Variants in NUMA1 observed in about 807,000 individuals in gnomAD.
NUMA1 encodes nuclear mitotic apparatus protein 1, also known as SP-H antigen.
NUMA1 carries 62 observed loss-of-function variants against 237.1 expected under a neutral mutation model. The observed-to-expected ratio is 0.26, with a 90% confidence interval of 0.21 to 0.32. The LOEUF (loss-of-function observed/expected upper bound fraction) is 0.32, where lower values mean the gene tolerates loss of function less well. Ranked by LOEUF, NUMA1 falls within the 10% of genes least tolerant of loss-of-function variation. NUMA1 has a pLI of 1.00. For synonymous variants in NUMA1, 1,028 were observed against 1,066.1 expected, an observed-to-expected ratio of 0.96 and a Z score of 0.70; for missense variants, 2,533 against 2,666.5, an observed-to-expected ratio of 0.95 and a Z score of 1.10.
chr11:72,043,846 G>A (rs927173879), intron 2 of NUMA1, among the ~76,000 whole-genome samples: 5 of 152,250 alleles, frequency 3.3e-5, no homozygotes, highest in Non-Finnish European at 5.9e-5. Context: ...GGAGGCTAGG[G>A]TGGGAGAATT....
At chr11:72,041,531 A>T (rs757470659) in intron 2 of NUMA1, 1 of 152,178 alleles carries the variant, frequency 6.6e-6, no homozygotes, top group African/African-American at 2.4e-5. Flanking sequence ...CTCTCTGGAC[A>T]GCAATGGAAG....
intron 2 of NUMA1, among the ~76,000 whole-genome samples, chr11:72,058,117 G>A (rs972838577): frequency 6.6e-6 from 1 of 152,218 alleles, no homozygotes; most frequent in Non-Finnish European, 1.5e-5. Flanking sequence ...CGATGTTTAG[G>A]AAACTTCATT....
intron 23 of NUMA1, 125 bp from the exon 24 acceptor site, chr11:72,004,941 T>C: frequency 1.0e-6 from 1 of 1,001,180 alleles, no homozygotes. Flanking sequence ...CCTCACGAGG[T>C]AGAAAGACAC....
chr11:72,049,826 AAAAAT>A (rs916454004), intron 2 of NUMA1, among the ~76,000 whole-genome samples: 68 of 151,300 alleles, frequency 4.5e-4, no homozygotes, highest in African/African-American at 1.6e-3. Flanking sequence ...CTGTCTCTAA[AAAAAT>A]AAAATAAAGT....
chr11:72,030,946 A>G (rs1008173607), intron 3 of NUMA1, among the ~76,000 whole-genome samples: 12 of 152,160 alleles, frequency 7.9e-5, no homozygotes, highest in African/African-American at 2.4e-4. Flanking sequence ...ATCTACTTCA[A>G]AGGACCAGTG....
chr11:72,049,178 A>T (rs1396249697), intron 2 of NUMA1, among the ~76,000 whole-genome samples: 1 of 152,184 alleles, frequency 6.6e-6, no homozygotes, highest in Non-Finnish European at 1.5e-5. Flanking sequence ...CAACATATCA[A>T]CATATCTAGC....
In NUMA1 at chr11:72,007,169, C is replaced by T. The variant is rs1451589380; in HGVS notation, c.5463+20G>A. The T allele has an allele frequency of 6.2e-7, 1 of 1,603,718 alleles. No individual in the cohort carries two copies. The highest frequency in any genetic ancestry group is 2.2e-5 in the East Asian group (1 of 44,874). On this transcript the variant is annotated intron_variant, in intron 21 of 26. Transcript: ENST00000393695. ...GAAGTGGGAATTGCTGCCCTGCAGC[C>T]CCTGTCCCAGCAGCCTGACCTTGGT...
At chr11:72,077,347 G>A (rs1943756843) in intron 1 of NUMA1, among the ~76,000 whole-genome samples, 1 of 152,082 alleles carries the variant, frequency 6.6e-6, no homozygotes, top group African/African-American at 2.4e-5. Flanking sequence ...TGACAGCAAA[G>A]AAGATCTTAA....
Position 72,014,757 on chromosome 11 carries a change from C to G in NUMA1, c.2746G>C (p.Val916Leu). The change falls in exon 15 of 27, where the codon GTG becomes CTG. Residue 916 changes from valine (V) to leucine (L), a missense_variant. By Grantham distance (32) the Val-to-Leu change is conservative. Transcript: ENST00000393695. The surrounding 1 kb of genome is among the most constrained non-coding windows in gnomAD (Gnocchi z 4.6). ...CGCACCAAGGTCTCCAAGCGGGCCACCTCTTTGCTGGTGGCAGCCATCTTT... is the reference window on the plus strand; with the variant it reads ...CGCACCAAGGTCTCCAAGCGGGCCAGCTCTTTGCTGGTGGCAGCCATCTTT... The part of the protein sequence containing the change: ...QEKMAATSKE[V>L]ARLETLVRKA... 1 of 1,614,170 alleles carries G rather than the reference C, an allele frequency of 6.2e-7. No individual in the cohort carries two copies. The highest frequency in any genetic ancestry group is 2.2e-5 in the East Asian group (1 of 44,888).
In NUMA1 at chr11:72,012,995, C is replaced by T. The variant is rs545106485; in HGVS notation, c.4508G>A (p.Arg1503Gln). Reference protein sequence around the residue: ...EVQREAQSTARELEVMTAKYE... With the variant: ...EVQREAQSTAQELEVMTAKYE... ...CTTGGCAGTCATCACCTCCAGCTCC[C>T]GGGCAGTGCTCTGTGCTTCTCGCTG... Residue 1503 changes from arginine (R) to glutamine (Q), a missense_variant, in exon 15 of 27, where the codon CGG (arginine) becomes CAG (glutamine). Physicochemically the swap from Arg to Gln is conservative, Grantham distance 43 (BLOSUM62 1). Coordinates refer to ENST00000393695, the MANE Select transcript of NUMA1 (RefSeq NM_006185.4). 4.3e-6 allele frequency: 7 copies of T among 1,614,030 alleles called. No individual in the cohort carries two copies. The highest frequency in any genetic ancestry group is 5.9e-6 in the Non-Finnish European group (7 of 1,180,044).
At chr11:72,022,944 A>AG (rs1939089958) in intron 6 of NUMA1, 121 bp downstream of exon 6, 60 of 704,864 alleles carry the variant, frequency 8.5e-5, no homozygotes, top group South Asian at 5.6e-4. Flanking sequence ...CCAACGTACT[A>AG]GAGCCCCAGA....
At chr11:72,042,381 G>T (rs1941738510) in intron 2 of NUMA1, among the ~76,000 whole-genome samples, 1 of 152,216 alleles carries the variant, frequency 6.6e-6, no homozygotes, top group African/African-American at 2.4e-5. Context: ...CAGGAGATAA[G>T]AAATATGACT....
chr11:72,017,446 C>G, intron 13 of NUMA1: 1 of 543,312 alleles, frequency 1.8e-6, no homozygotes. Context: ...ATCTTGTGAA[C>G]AGCAGAGATA....
At position 72,004,196 on chromosome 11, in the gene NUMA1, G is replaced by C. The variant is rs371133975; in HGVS notation, c.6123+29C>G. ...ATCAGCAAGGTCCCGCCAGGGCGTC[G>C]CTTCATCCCCCTTCAGCCCCAGCCT... On this transcript the variant is annotated intron_variant, in intron 25 of 26. Coordinates refer to ENST00000393695, the MANE Select transcript of NUMA1 (RefSeq NM_006185.4). 29 of 1,603,352 alleles carry C rather than the reference G, an allele frequency of 1.8e-5. 1 individual carries two copies. In the South Asian group the frequency reaches 3.1e-4, roughly 17 times the overall value.
At chr11:72,074,817 TGA>T (rs1394073200) in intron 1 of NUMA1, among the ~76,000 whole-genome samples, 3 of 152,110 alleles carry the variant, frequency 2.0e-5, no homozygotes, top group Non-Finnish European at 4.4e-5. Context: ...GTGGATCACC[TGA>T]GGTCAGGAGT....
chr11:72,076,498 T>C (rs979724490), intron 1 of NUMA1: 1 of 150,628 alleles, frequency 6.6e-6, no homozygotes, highest in Non-Finnish European at 1.5e-5. Context: ...TGTAAAGAAG[T>C]ATGAGAGCCG....
intron 2 of NUMA1, among the ~76,000 whole-genome samples, chr11:72,042,545 G>A (rs533110632): frequency 2.0e-5 from 3 of 152,324 alleles, no homozygotes; most frequent in South Asian, 4.1e-4. Context: ...TGGAAACAGA[G>A]AGGTGTGGGG....
chr11:72,009,923 G>A (rs1178520402), intron 17 of NUMA1, among the ~76,000 whole-genome samples: 1 of 152,126 alleles, frequency 6.6e-6, no homozygotes, highest in Non-Finnish European at 1.5e-5. Context: ...AAAGCCCATG[G>A]GGGCTTATTT....
At position 72,007,271 on chromosome 11, in the gene NUMA1, CCCAGGGAGTCCAGGCTGCTCT is replaced by C; in HGVS notation, c.5360_5380del (p.Glu1787_Leu1793del). 6.2e-7 allele frequency: 1 copy of C among 1,612,902 alleles called. No homozygotes were observed. Among genetic ancestry groups the C allele is most frequent in the African/African-American group, 1.3e-5 (1 of 74,994 alleles). ...ACGACCCGAGTCCAGGAAGACGTCT[CCCAGGGAGTCCAGGCTGCTCT>C]CCAGGGGGGCCTGACTCCGAGCAGG... On this transcript the variant is annotated inframe_deletion, in exon 21 of 27. Coordinates refer to ENST00000393695, the MANE Select transcript of NUMA1 (RefSeq NM_006185.4).
Sources: gnomAD v4.1 joint callset for allele counts (sites outside exome capture counted in the v4.1 genomes callset) on GRCh38, gnomAD v4.1.1 for gene constraint, Gnocchi (gnomAD v3.1) non-coding constraint, MANE v1.5 for transcripts, NCBI Gene and HGNC (gene_info 2026-07-23, HGNC 2026-07-21) for gene names.